The following TBC1D9B variants were observed in gnomAD, a reference collection of about 807,000 sequenced individuals.
TBC1D9B encodes the protein TBC1 domain family, member 9B (with GRAM domain).
Under a neutral mutation model 121.1 loss-of-function variants are expected in TBC1D9B, and 87 were observed. The ratio of observed to expected loss-of-function variants is 0.72; its 90% CI spans 0.60 to 0.86. The LOEUF (loss-of-function observed/expected upper bound fraction) is 0.86, where lower values mean the gene tolerates loss of function less well. Ranked by LOEUF, TBC1D9B falls within the 40% of genes least tolerant of loss-of-function variation. The pLI is 0.00. For missense variants in TBC1D9B, 1,540 were observed against 1,628.6 expected (o/e 0.95, Z 0.94); for synonymous variants, 668 against 670.1 (o/e 1.00, Z 0.05).
chr5:179,879,623 C>A lies in TBC1D9B; in HGVS notation c.1416+5G>T, dbSNP rs754705030. On this transcript the variant is annotated splice_donor_5th_base_variant and intron_variant, in intron 8 of 20. Transcript: ENST00000355235. Reference sequence around the variant, plus strand: ...GAGGCTGGAGTGCCGGCGCTCAGGGCTCACCCCCTTGGCTCCAAGGTCCTC... The same window carrying A: ...GAGGCTGGAGTGCCGGCGCTCAGGGATCACCCCCTTGGCTCCAAGGTCCTC... 6.2e-7 allele frequency: 1 copy of A among 1,613,822 alleles called. No individual in the cohort carries two copies. Among genetic ancestry groups the A allele is most frequent in the Non-Finnish European group, 8.5e-7 (1 of 1,179,868 alleles).
Position 179,863,533 on chromosome 5 carries a change from A to G in TBC1D9B, c.3617T>C (p.Ile1206Thr), listed in dbSNP as rs1282452360. ...LVNFFEKRVD[I>T]GLKIKDQKKV... is the part of the protein sequence containing the mutation. ...CTTTTGGTCCTTGATCTTGAGTCCA[A>G]TGTCCACTCTCTTCTCAAAGAAGTT... Residue 1206 changes from isoleucine (I) to threonine (T), a missense_variant, in exon 21 of 21, where the codon ATT becomes ACT. Physicochemically the swap from Ile to Thr is moderately conservative, Grantham distance 89. Transcript: ENST00000355235. This position sits in a 1 kb window ranked among gnomAD's most constrained non-coding sequence, Gnocchi z 4.5. 12 of 1,614,136 alleles carry G rather than the reference A, an allele frequency of 7.4e-6. No individual in the cohort carries two copies. Among genetic ancestry groups the G allele is most frequent in the East Asian group, 2.2e-5 (1 of 44,868 alleles).
intron 1 of TBC1D9B, among the ~76,000 whole-genome samples, chr5:179,906,958 C>A (rs949459237): frequency 2.0e-5 from 3 of 152,178 alleles, no homozygotes; most frequent in African/African-American, 7.2e-5. Context: ...TGAGGGGCCC[C>A]GGACACCACC....
intron 7 of TBC1D9B, chr5:179,880,078 A>AG: frequency 4.0e-6 from 2 of 502,466 alleles, no homozygotes; most frequent in Non-Finnish European, 3.6e-6. Context: ...CCCTTTTCTG[A>AG]GGGGGGTCAG....
chr5:179,876,419 T>C (rs1760361617), intron 10 of TBC1D9B, among the ~76,000 whole-genome samples: 1 of 152,178 alleles, frequency 6.6e-6, no homozygotes, highest in Non-Finnish European at 1.5e-5. Context: ...GTGTTGGGTG[T>C]TGGAGGTGGG....
chr5:179,903,649 G>A (rs757102253), intron 2 of TBC1D9B, among the ~76,000 whole-genome samples: 12 of 152,104 alleles, frequency 7.9e-5, no homozygotes, highest in Non-Finnish European at 1.2e-4. Context: ...ATTCCTGATC[G>A]ATTGGCATTG....
At chr5:179,880,073 TTCTGAG>T (rs1450234924) in intron 7 of TBC1D9B, 3 of 513,516 alleles carry the variant, frequency 5.8e-6, no homozygotes, top group Non-Finnish European at 1.0e-5. Flanking sequence ...TGGGGCCCTT[TTCTGAG>T]GGGGGTCAGT....
chr5:179,876,124 C>A, intron 10 of TBC1D9B, 87 bp from the exon 11 acceptor site: 1 of 989,538 alleles, frequency 1.0e-6, no homozygotes, highest in South Asian at 1.6e-5. Flanking sequence ...AGCCACCCCT[C>A]CCTGCAAGGG....
At chr5:179,901,246 T>C (rs2113649957) in intron 2 of TBC1D9B, among the ~76,000 whole-genome samples, 1 of 152,288 alleles carries the variant, frequency 6.6e-6, no homozygotes, top group Non-Finnish European at 1.5e-5. Flanking sequence ...ACTTTTTTTT[T>C]CATTTTTCTT....
intron 2 of TBC1D9B, among the ~76,000 whole-genome samples, chr5:179,901,989 T>C (rs972173812): frequency 6.6e-6 from 1 of 152,256 alleles, no homozygotes; most frequent in African/African-American, 2.4e-5. Context: ...ACCATTATTT[T>C]CATTTTACCA....
Position 179,890,881 on chromosome 5 carries a change from C to T in TBC1D9B, c.1044+498G>A, listed in dbSNP as rs1237806601. On this transcript the variant is annotated intron_variant, in intron 6 of 20. Transcript: ENST00000355235. This position sits in a 1 kb window ranked among gnomAD's most constrained non-coding sequence, Gnocchi z 5.0. ...GAGCAAGTGAGAGCCAATGCAGCCT[C>T]ACAGGGGAGAGCCGACGCCGCCCCA... Among the ~76,000 whole-genome samples the T allele has an allele frequency of 6.6e-6, 1 of 152,168 alleles. No individual in the cohort carries two copies. Among genetic ancestry groups the T allele is most frequent in the African/African-American group, 2.4e-5 (1 of 41,456 alleles).
chr5:179,900,396 G>T (rs1436659922), intron 2 of TBC1D9B, among the ~76,000 whole-genome samples: 1 of 152,150 alleles, frequency 6.6e-6, no homozygotes, highest in Non-Finnish European at 1.5e-5. Context: ...TGTACTGAAT[G>T]AACACAAGGA....
intron 7 of TBC1D9B, among the ~76,000 whole-genome samples, chr5:179,881,839 C>T (rs936456844): frequency 6.6e-6 from 1 of 152,146 alleles, no homozygotes; most frequent in African/African-American, 2.4e-5. Flanking sequence ...GCCTTTTCTT[C>T]CCACTTTCCT....
chr5:179,900,187 C>T (rs1392601612), intron 2 of TBC1D9B, among the ~76,000 whole-genome samples: 1 of 152,148 alleles, frequency 6.6e-6, no homozygotes, highest in Non-Finnish European at 1.5e-5. Flanking sequence ...CAAAGTGAGA[C>T]CTCGTCTCAA....
rs1370114208 is a variant in TBC1D9B, at chr5:179,865,006, C to T, written c.3021+248G>A. Among the ~76,000 whole-genome samples the T allele has an allele frequency of 1.3e-5, 2 of 152,212 alleles. No individual in the cohort carries two copies. Among genetic ancestry groups the T allele is most frequent in the East Asian group, 1.9e-4 (1 of 5,188 alleles). ...TATCTTGTCAAAGGTAGCCTACAAG[C>T]CTCTGGCTCCTGGTTCACAGACACT... On this transcript the variant is annotated intron_variant, in intron 20 of 20. Transcript: ENST00000355235. This position sits in a 1 kb window ranked among gnomAD's most constrained non-coding sequence, Gnocchi z 5.1.
chr5:179,893,566 C>G (rs1405498664), intron 4 of TBC1D9B, 99 bp from the exon 5 acceptor site: 2 of 1,464,340 alleles, frequency 1.4e-6, no homozygotes, highest in African/African-American at 2.8e-5. Flanking sequence ...GAACTGCTCT[C>G]TGGGGGCAGC....
intron 7 of TBC1D9B, among the ~76,000 whole-genome samples, chr5:179,880,516 C>T (rs1760508829): frequency 6.6e-6 from 1 of 152,182 alleles, no homozygotes; most frequent in African/African-American, 2.4e-5. Context: ...CCCGTGGCCA[C>T]GGTCCCACTC....
Position 179,880,923 on chromosome 5 carries a change from G to C in TBC1D9B, c.1255-1134C>G, listed in dbSNP as rs1023526867. 2.0e-5 allele frequency among the ~76,000 whole-genome samples: 3 copies of C among 152,252 alleles called. No homozygotes were observed. The East Asian group carries it at 5.8e-4, about 29-fold the overall frequency. The stretch of plus-strand genomic sequence containing the variant: ...CCTGGAGATCCTGCTTCCCACCTGA[G>C]CTCCCCCAGAGGGACCGACTAGGAC... On this transcript the variant is annotated intron_variant, in intron 7 of 20. Transcript: ENST00000355235.
intron 1 of TBC1D9B, among the ~76,000 whole-genome samples, chr5:179,906,504 CTGA>C (rs995298508): frequency 4.0e-5 from 6 of 151,114 alleles, no homozygotes; most frequent in Non-Finnish European, 8.8e-5. Flanking sequence ...CACTGGCGCG[CTGA>C]TGACACCCTG....
Position 179,869,145 on chromosome 5 carries a change from A to C in TBC1D9B, c.2791+624T>G, listed in dbSNP as rs1760109074. On this transcript the variant is annotated intron_variant, in intron 17 of 20. Coordinates refer to ENST00000355235, the MANE Select transcript of TBC1D9B (RefSeq NM_015043.4). ...TGCTAACCTCAGATGGCAAAGCGACAGCAGGGACCTGGGGCAGGTCCAGCC... is the reference window on the plus strand; with the variant it reads ...TGCTAACCTCAGATGGCAAAGCGACCGCAGGGACCTGGGGCAGGTCCAGCC... The C allele has an allele frequency of 2.9e-5, 5 of 173,592 alleles. No homozygotes were observed. In the South Asian group the frequency reaches 6.5e-4, roughly 22 times the overall value. The allele number at this position is 173,592 out of a possible 1,614,324, so 10.8% of individuals were successfully genotyped here.
Sources: gnomAD v4.1 joint callset for allele counts (sites outside exome capture counted in the v4.1 genomes callset) on GRCh38, gnomAD v4.1.1 for gene constraint, Gnocchi (gnomAD v3.1) non-coding constraint, MANE v1.5 for transcripts, NCBI Gene and HGNC (gene_info 2026-07-23, HGNC 2026-07-21) for gene names.